Variants in GDA observed in about 807,000 individuals in gnomAD.
GDA encodes cytoplasmic PSD-95 interactor.
GDA carries 18 observed loss-of-function variants against 59.6 expected under a neutral mutation model. The observed-to-expected ratio is 0.30, with a 90% CI of 0.21 to 0.45. The LOEUF (loss-of-function observed/expected upper bound fraction) is 0.45. Ranked by LOEUF, GDA falls within the 20% of genes least tolerant of loss-of-function variation. The pLI is 1.00. For synonymous variants in GDA, 201 were observed against 201.1 expected (o/e 1.00, Z 0.00); for missense variants, 427 against 552.3 (o/e 0.77, Z 2.27).
intron 1 of GDA, among the ~76,000 whole-genome samples, chr9:72,159,046 T>C (rs896252116): frequency 6.6e-6 from 1 of 152,182 alleles, no homozygotes; most frequent in African/African-American, 2.4e-5. Context: ...TGCTGTCTTC[T>C]GTCATGGAGA....
At chr9:72,196,154 T>C (rs549641839) in intron 2 of GDA, among the ~76,000 whole-genome samples, 3 of 151,652 alleles carry the variant, frequency 2.0e-5, no homozygotes, top group Admixed American at 1.3e-4. Context: ...ATATATAATA[T>C]ATATTTAATA....
chr9:72,139,528 A>T (rs544418006), intron 1 of GDA, among the ~76,000 whole-genome samples: 2 of 152,292 alleles, frequency 1.3e-5, no homozygotes, highest in Admixed American at 1.3e-4. Context: ...AAATGGGAAG[A>T]GTCATTCCAG....
chr9:72,165,803 G>A (rs539515444), intron 1 of GDA, among the ~76,000 whole-genome samples: 2 of 151,938 alleles, frequency 1.3e-5, no homozygotes, highest in East Asian at 3.9e-4. Context: ...GAGGCTGAGG[G>A]GGGAGAACTG....
intron 6 of GDA, among the ~76,000 whole-genome samples, chr9:72,220,953 G>A (rs1836777678): frequency 1.3e-5 from 2 of 152,190 alleles, no homozygotes; most frequent in Non-Finnish European, 2.9e-5. Context: ...GCTCTGTCAA[G>A]CAATCTCTTA....
chr9:72,226,127 C>T (rs1390067455), intron 8 of GDA, among the ~76,000 whole-genome samples: 17 of 151,998 alleles, frequency 1.1e-4, no homozygotes, highest in Admixed American at 1.1e-3. Context: ...GACATTTTAA[C>T]AGTATCTATT....
intron 11 of GDA, 67 bp downstream of exon 11, chr9:72,241,365 T>C (rs1839592391): frequency 8.5e-7 from 1 of 1,182,502 alleles, no homozygotes; most frequent in Non-Finnish European, 1.2e-6. Flanking sequence ...TTGGATGTAG[T>C]ATGAAGATGC....
rs775628958 is a variant in GDA at position 72,223,218 on chromosome 9, G to A, written c.705G>A (p.Leu235=). Residue 235 remains leucine, a synonymous_variant, in exon 7 of 14, where the codon TTG becomes TTA. Transcript: ENST00000358399. Reference sequence around the variant, plus strand: ...GCAACATTGCTAAAACCCGTGATTTGCACATTCAGGTGGGTATTCTTCTTC... The same window carrying A: ...GCAACATTGCTAAAACCCGTGATTTACACATTCAGGTGGGTATTCTTCTTC... ...ELGNIAKTRD[L]HIQSHISENR... is the part of the protein sequence containing the mutation. 1 of 1,594,580 alleles carries A rather than the reference G, an allele frequency of 6.3e-7. No homozygotes were observed. The highest frequency in any genetic ancestry group is 2.2e-5 in the East Asian group (1 of 44,746).
At chr9:72,125,701 A>G (rs1184562108) in intron 1 of GDA, among the ~76,000 whole-genome samples, 1 of 152,180 alleles carries the variant, frequency 6.6e-6, no homozygotes, top group African/African-American at 2.4e-5. Flanking sequence ...GGTCAATGGC[A>G]GAATTGTGGG....
chr9:72,149,632 C>A lies in GDA; in HGVS notation c.73C>A (p.Pro25Thr), dbSNP rs543527116. Reference sequence around the variant, plus strand: ...GTTCGTCCACTCCACCTGGACCTGCCCCATGGAGGTGCTGCGGGATCACCT... The same window carrying A: ...GTTCGTCCACTCCACCTGGACCTGCACCATGGAGGTGCTGCGGGATCACCT... The part of the protein sequence containing the change: ...GTFVHSTWTC[P>T]MEVLRDHLLG... The change falls in exon 1 of 14, where the codon CCC (proline) becomes ACC (threonine). Residue 25 changes from proline (P) to threonine (T), a missense_variant. Physicochemically the swap from Pro to Thr is conservative, Grantham distance 38. Coordinates refer to ENST00000358399, the MANE Select transcript of GDA (RefSeq NM_004293.5). 1 of 1,609,242 alleles carries A rather than the reference C, an allele frequency of 6.2e-7. No homozygotes were observed. The highest frequency in any genetic ancestry group is 1.1e-5 in the South Asian group (1 of 90,866).
chr9:72,169,491 C>T (rs1329467263), intron 1 of GDA, among the ~76,000 whole-genome samples: 1 of 152,140 alleles, frequency 6.6e-6, no homozygotes, highest in South Asian at 2.1e-4. Context: ...TAAATCTATT[C>T]TTTTGGAAAT....
intron 1 of GDA, among the ~76,000 whole-genome samples, chr9:72,130,174 G>T (rs1269114418): frequency 6.6e-6 from 1 of 152,168 alleles, no homozygotes; most frequent in African/African-American, 2.4e-5. Flanking sequence ...TCACCTTTCT[G>T]AAATAAGATG....
Position 72,149,698 on chromosome 9 carries a change from G to A in GDA, c.123+16G>A, listed in dbSNP as rs372259890. 4 of 1,588,700 alleles carry A rather than the reference G, an allele frequency of 2.5e-6. No individual in the cohort carries two copies. The highest frequency in any genetic ancestry group is 3.4e-6 in the Non-Finnish European group (4 of 1,169,778). ...CAGCGGCAAAGTAAGCAGGCGCGGG[G>A]TCGAGCGCACTCCGACGGGCGGGAG... On this transcript the variant is annotated intron_variant, in intron 1 of 13. Transcript: ENST00000358399.
At chr9:72,138,579 A>G (rs1422900782) in intron 1 of GDA, among the ~76,000 whole-genome samples, 2 of 152,228 alleles carry the variant, frequency 1.3e-5, no homozygotes, top group Non-Finnish European at 2.9e-5. Context: ...CGCTGTTTCC[A>G]TAGCAGTAAA....
chr9:72,210,908 T>C, intron 4 of GDA, 134 bp downstream of exon 4: 1 of 632,328 alleles, frequency 1.6e-6, no homozygotes, highest in Admixed American at 2.6e-5. Flanking sequence ...TTTTTGCAAG[T>C]AATTACGTGT....
chr9:72,253,723 C>T (rs1840820170), downstream of GDA, among the ~76,000 whole-genome samples: 2 of 152,102 alleles, frequency 1.3e-5, no homozygotes, highest in Admixed American at 1.3e-4. Flanking sequence ...AGAAATTTCA[C>T]ATGCTTAATT....
intron 1 of GDA, among the ~76,000 whole-genome samples, chr9:72,122,846 T>G (rs1825710306): frequency 6.6e-6 from 1 of 152,162 alleles, no homozygotes; most frequent in Admixed American, 6.5e-5. Flanking sequence ...GAACCTTTAC[T>G]GTCCTGCTCC....
chr9:72,125,997 A>G (rs1052399718), intron 1 of GDA, among the ~76,000 whole-genome samples: 1 of 152,040 alleles, frequency 6.6e-6, no homozygotes, highest in African/African-American at 2.4e-5. Context: ...GCTCACTGCA[A>G]CCTCTGCCTC....
intron 1 of GDA, among the ~76,000 whole-genome samples, chr9:72,178,956 A>G (rs1031329884): frequency 2.0e-5 from 3 of 152,188 alleles, no homozygotes; most frequent in African/African-American, 7.2e-5. Flanking sequence ...GGATTGTGCT[A>G]TCTAGTAAAC....
rs1564156010 is a variant in GDA, at chr9:72,143,470, G to A, written c.-100+28637G>A. Among the ~76,000 whole-genome samples the A allele has an allele frequency of 3.3e-5, 5 of 151,968 alleles. No homozygotes were observed. In the South Asian group the frequency reaches 8.3e-4, roughly 25 times the overall value. ...GAGCTTGCTGTCATGGTAGGAAGCC[G>A]GCATCAGCTAAATTTTACTAACGTG... is the stretch of plus-strand genomic sequence containing the variant. On this transcript the variant is annotated intron_variant, in intron 1 of 13. Transcript: ENST00000545168.
Sources: allele counts gnomAD v4.1 joint callset (sites outside exome capture counted in the v4.1 genomes callset), GRCh38; gene constraint gnomAD v4.1.1; transcripts MANE v1.5; gene names NCBI Gene and HGNC (gene_info 2026-07-23, HGNC 2026-07-21).